The following SI variants were observed in gnomAD, a reference collection of about 807,000 sequenced individuals.
The protein encoded by SI is sucrase-isomaltase, intestinal.
In SI, 235 loss-of-function variants were observed where a neutral mutation model predicts 253.3. That is an observed-to-expected ratio of 0.93 (90% CI 0.83 to 1.03). SI has a LOEUF of 1.03. SI is among the 50% of genes least tolerant of loss of function. The pLI is 0.00. For missense variants in SI, 2,442 were observed against 2,211.1 expected (o/e 1.10, Z -2.09); for synonymous variants, 819 against 712.0 (o/e 1.15, Z -2.39).
At chr3:164,998,154 T>C (rs1457500120) in intron 38 of SI, among the ~76,000 whole-genome samples, 2 of 151,826 alleles carry the variant, frequency 1.3e-5, no homozygotes, top group African/African-American at 4.8e-5. Flanking sequence ...CAACAGTATA[T>C]ATGTCAACTT....
At chr3:164,990,524 G>A (rs1185175841) in intron 44 of SI, among the ~76,000 whole-genome samples, 1 of 152,134 alleles carries the variant, frequency 6.6e-6, no homozygotes, top group African/African-American at 2.4e-5. Context: ...ATAGGCAGAG[G>A]CATTGACAGC....
At chr3:165,057,950 T>A (rs2108246285) in intron 12 of SI, among the ~76,000 whole-genome samples, 1 of 152,146 alleles carries the variant, frequency 6.6e-6, no homozygotes, top group African/African-American at 2.4e-5. Context: ...GATAGATTTT[T>A]ACAGAATATT....
intron 45 of SI, among the ~76,000 whole-genome samples, chr3:164,983,663 C>T (rs1008709230): frequency 1.3e-5 from 2 of 152,056 alleles, no homozygotes; most frequent in African/African-American, 4.8e-5. Flanking sequence ...AATCATGGCT[C>T]ACTACAGCCT....
At position 165,065,464 on chromosome 3, in the gene SI, A is replaced by AATATAT. The variant is rs66946322; in HGVS notation, c.636-38_636-33dup. ...CATAAAAGAAATAAAGAAATAATCT[A>AATATAT]ATATATATATATATATATATATATA... On this transcript the variant is annotated intron_variant, in intron 6 of 47. Coordinates refer to ENST00000264382, the MANE Select transcript of SI (RefSeq NM_001041.4). 2.5e-3 allele frequency: 518 copies of AATATAT among 209,506 alleles called. 32 individuals are homozygous for AATATAT. The highest frequency in any genetic ancestry group is 1.0e-2 in the African/African-American group (235 of 23,598). 13.0% of individuals were successfully genotyped at this position (209,506 alleles called of 1,614,324 possible).
the SI span, among the ~76,000 whole-genome samples, chr3:165,087,826 A>G: frequency 6.6e-6 from 1 of 152,200 alleles, no homozygotes; most frequent in Admixed American, 6.5e-5. Flanking sequence ...TACCTTATTC[A>G]GTAAACATAT....
intron 37 of SI, among the ~76,000 whole-genome samples, chr3:164,999,451 C>T (rs1056123086): frequency 6.6e-6 from 1 of 151,516 alleles, no homozygotes; most frequent in East Asian, 1.9e-4. Flanking sequence ...AAGTTTTACT[C>T]TAATATTAGT....
intron 33 of SI, among the ~76,000 whole-genome samples, chr3:165,014,897 T>A (rs572683466): frequency 6.6e-6 from 1 of 152,134 alleles, no homozygotes; most frequent in Non-Finnish European, 1.5e-5. Flanking sequence ...TAATAAAATA[T>A]GTCTTAAAGA....
At chr3:165,059,877 C>T (rs1465390526) in intron 10 of SI, 25 bp downstream of exon 10, 1 of 1,607,306 alleles carries the variant, frequency 6.2e-7, no homozygotes, top group Non-Finnish European at 8.5e-7. Context: ...GATATATATT[C>T]CCACGGACCC....
At chr3:165,037,453 T>C (rs1712589606) in intron 21 of SI, among the ~76,000 whole-genome samples, 1 of 151,900 alleles carries the variant, frequency 6.6e-6, no homozygotes, top group Admixed American at 6.6e-5. Context: ...TTAGTTTCTC[T>C]CTCGCTCTTT....
At chr3:165,038,123 T>C in intron 20 of SI, 99 bp from the exon 21 acceptor site, 1 of 1,108,044 alleles carries the variant, frequency 9.0e-7, no homozygotes. Flanking sequence ...GCAATTCATG[T>C]CATCCAAATG....
chr3:165,019,936 GT>G (rs1711512164), intron 27 of SI, among the ~76,000 whole-genome samples, 166 bp from the exon 28 acceptor site: 2 of 151,604 alleles, frequency 1.3e-5, no homozygotes, highest in African/African-American at 4.8e-5. Context: ...TCTAATACAT[GT>G]TTTCTTTTAG....
intron 16 of SI, among the ~76,000 whole-genome samples, chr3:165,046,606 T>G (rs1713129074): frequency 6.6e-6 from 1 of 152,112 alleles, no homozygotes. Context: ...TTATATTTGT[T>G]TTCCTCAATT....
chr3:165,074,612 A>G lies in SI; in HGVS notation c.174T>C (p.Ser58=), dbSNP rs1714823830. 2 of 1,610,798 alleles carry G rather than the reference A, an allele frequency of 1.2e-6. No individual in the cohort carries two copies. The highest frequency in any genetic ancestry group is 1.1e-5 in the South Asian group (1 of 90,996). The part of the protein sequence containing the change: ...PATTRVTTNP[S]DSGKCPNVLN... ...ACACATTTGGACATTTTCCTGAATC[A>G]GAAGGATTTGTAGTCACACGAGTAG... is the stretch of plus-strand genomic sequence containing the variant. The change falls in exon 3 of 48, where the codon TCT becomes TCC. Residue 58 remains serine, a synonymous_variant. Transcript: ENST00000264382.
intron 13 of SI, among the ~76,000 whole-genome samples, chr3:165,054,981 A>G (rs967577238): frequency 7.9e-5 from 12 of 152,202 alleles, no homozygotes; most frequent in Non-Finnish European, 1.8e-4. Flanking sequence ...TTGCTAAAAA[A>G]GAAAAACCTT....
rs1380090112 is a variant in SI, at chr3:164,992,322, T to C, written c.4917A>G (p.Val1639=). Residue 1639 remains valine (V), a synonymous_variant, in exon 42 of 48, where the codon GTA becomes GTG. Transcript: ENST00000264382. ...ATGTGGTAGGACTTACAGGTTCCAGTACTGGGGTAACCATAAATGCTGGAC... is the reference window on the plus strand; with the variant it reads ...ATGTGGTAGGACTTACAGGTTCCAGCACTGGGGTAACCATAAATGCTGGAC... The part of the protein sequence containing the change: ...LWGPAFMVTP[V]LEPYVQTVNA... The C allele has an allele frequency of 6.2e-7, 1 of 1,613,278 alleles. No homozygotes were observed. The highest frequency in any genetic ancestry group is 1.3e-5 in the African/African-American group (1 of 74,912).
chr3:165,004,829 AG>A (rs1718426284), intron 37 of SI, among the ~76,000 whole-genome samples: 1 of 152,104 alleles, frequency 6.6e-6, no homozygotes, highest in African/African-American at 2.4e-5. Context: ...GTGAGGGGAA[AG>A]CAAGTGTTAT....
chr3:164,996,644 G>T lies in SI; in HGVS notation c.4583C>A (p.Ala1528Glu), dbSNP rs780817586. 1.3e-6 allele frequency: 2 copies of T among 1,567,324 alleles called. No homozygotes were observed. Among genetic ancestry groups the T allele is most frequent in the East Asian group, 4.5e-5 (2 of 44,490 alleles). Reference sequence around the variant, plus strand: ...GTTGTTGAAAAAACCACAGATGTCTGCTCCAGTCTAAAATATATTGTTATA... The same window carrying T: ...GTTGTTGAAAAAACCACAGATGTCTTCTCCAGTCTAAAATATATTGTTATA... ...FSLFGMSYTG[A>E]DICGFFNNSE... is the part of the protein sequence containing the mutation. Residue 1528 changes from alanine (A) to glutamate (E), a missense_variant, in exon 40 of 48, where the codon GCA (alanine) becomes GAA (glutamate). Coordinates refer to ENST00000264382, the MANE Select transcript of SI (RefSeq NM_001041.4).
At chr3:165,069,973 C>G (rs959952997) in intron 3 of SI, among the ~76,000 whole-genome samples, 3 of 150,060 alleles carry the variant, frequency 2.0e-5, no homozygotes, top group African/African-American at 7.3e-5. Context: ...TTTTAAAAGC[C>G]TCCATTTTAA....
chr3:165,015,923 T>G, intron 32 of SI, 29 bp downstream of exon 32: 1 of 1,586,510 alleles, frequency 6.3e-7, no homozygotes, highest in Non-Finnish European at 8.7e-7. Context: ...AAACAAGAAA[T>G]AAGACTCAGG....
Sources: allele counts gnomAD v4.1 joint callset (sites outside exome capture counted in the v4.1 genomes callset), GRCh38; gene constraint gnomAD v4.1.1; transcripts MANE v1.5; gene names NCBI Gene and HGNC (gene_info 2026-07-23, HGNC 2026-07-21).